CYP3A5: variants seen among roughly 807,000 people sequenced by gnomAD.
The protein encoded by CYP3A5 is cytochrome P450 3A5.
In CYP3A5, 51 loss-of-function variants were observed where a neutral mutation model predicts 55.9. The observed-to-expected ratio is 0.91, with a 90% CI of 0.73 to 1.15. The LOEUF is 1.15. CYP3A5 is among the 50% of genes most tolerant of loss of function. The probability of loss-of-function intolerance (pLI) is 0.00; values close to 1 mark genes in which losing one functional copy is unlikely to be tolerated. For missense variants in CYP3A5, 533 were observed against 596.6 expected (o/e 0.89, Z 1.11); for synonymous variants, 196 against 213.9 (o/e 0.92, Z 0.73).
chr7:99,673,317 C>G (rs1337759459), intron 3 of CYP3A5, among the ~76,000 whole-genome samples: 1 of 152,172 alleles, frequency 6.6e-6, no homozygotes, highest in Non-Finnish European at 1.5e-5. Flanking sequence ...AGTGAACAAA[C>G]ACACCACTGC....
chr7:99,679,766 G>C (rs1027616898), intron 1 of CYP3A5, 60 bp downstream of exon 1: 1 of 1,518,424 alleles, frequency 6.6e-7, no homozygotes, highest in African/African-American at 1.4e-5. Context: ...AAGGGAAAAG[G>C]GGCCCGATTA....
Position 99,659,404 on chromosome 7 carries a change from G to A in CYP3A5, c.1026+1095C>T, listed in dbSNP as rs558401114. 35 of 155,206 alleles carry A rather than the reference G, an allele frequency of 2.3e-4. No homozygotes were observed. In the South Asian group the frequency reaches 6.0e-3, roughly 27 times the overall value. 9.6% of individuals were successfully genotyped at this position (155,206 alleles called of 1,614,324 possible). Reference sequence around the variant, plus strand: ...TGCAGAACAGCGGTATTGGTGACCCGCAAATGCTGCTGCCTGATCATTCCT... The same window carrying A: ...TGCAGAACAGCGGTATTGGTGACCCACAAATGCTGCTGCCTGATCATTCCT... On this transcript the variant is annotated intron_variant, in intron 10 of 12. Coordinates refer to ENST00000222982, the MANE Select transcript of CYP3A5 (RefSeq NM_000777.5).
At chr7:99,658,916 A>G (rs1810076641) in intron 10 of CYP3A5, 1 of 152,170 alleles carries the variant, frequency 6.6e-6, no homozygotes, top group Admixed American at 6.5e-5. Flanking sequence ...TTCTCGTGCC[A>G]TGGTCTTCAG....
At chr7:99,655,723 G>C (rs1311636333) in intron 10 of CYP3A5, among the ~76,000 whole-genome samples, 6 of 152,072 alleles carry the variant, frequency 3.9e-5, no homozygotes, top group Non-Finnish European at 8.8e-5. Flanking sequence ...ATGGAATGTT[G>C]TTCCATTTGT....
At chr7:99,648,665 T>G (rs1808862119) in intron 12 of CYP3A5, among the ~76,000 whole-genome samples, 7 of 126,894 alleles carry the variant, frequency 5.5e-5, no homozygotes, top group Admixed American at 5.3e-4. Flanking sequence ...TGGACTCGTG[T>G]TTTTTTTTTT....
chr7:99,665,198 A>C lies in CYP3A5; in HGVS notation c.638T>G (p.Phe213Cys). ...FVESTKKFLK[F>C]GFLDPLFLSI... ...GAGAAATAATGGATCTAAGAAACCA[A>C]ATTTTAGGAACTTCTTAGTGCTCTC... The change falls in exon 7 of 13, where the codon TTT becomes TGT. Residue 213 changes from phenylalanine to cysteine, a missense_variant. By Grantham distance (205) the Phe-to-Cys change is radical (BLOSUM62 -2). Coordinates refer to ENST00000222982, the MANE Select transcript of CYP3A5 (RefSeq NM_000777.5). 6.2e-7 allele frequency: 1 copy of C among 1,613,948 alleles called. No individual in the cohort carries two copies. The highest frequency in any genetic ancestry group is 8.5e-7 in the Non-Finnish European group (1 of 1,179,856).
At chr7:99,657,076 G>A (rs1223161066) in intron 10 of CYP3A5, among the ~76,000 whole-genome samples, 2 of 151,844 alleles carry the variant, frequency 1.3e-5, no homozygotes, top group East Asian at 1.9e-4. Context: ...TTGTGTCTCT[G>A]TTTCCTTCAG....
intron 4 of CYP3A5, chr7:99,671,525 G>A (rs1015757269): frequency 3.2e-5 from 10 of 312,258 alleles, no homozygotes; most frequent in Non-Finnish European, 5.3e-5. Context: ...GGAACATTTG[G>A]ACAGCCATAG....
At position 99,662,291 on chromosome 7, in the gene CYP3A5, G is replaced by A. The variant is rs79246500; in HGVS notation, c.865+525C>T. Among the ~76,000 whole-genome samples, 324 of 152,280 alleles carry A rather than the reference G, an allele frequency of 2.1e-3. No homozygotes were observed. The highest frequency in any genetic ancestry group is 6.7e-3 in the African/African-American group (277 of 41,554). On this transcript the variant is annotated intron_variant, in intron 9 of 12. Transcript: ENST00000222982. This position sits in a 1 kb window ranked among gnomAD's most constrained non-coding sequence, Gnocchi z 4.3. ...TGGTTTTGGTTAAAACCATCCATGG[G>A]TCATAAAACTAGTAGATACAAGACT...
chr7:99,678,997 C>T (rs532327286), intron 1 of CYP3A5, among the ~76,000 whole-genome samples: 15 of 152,300 alleles, frequency 9.8e-5, no homozygotes, highest in East Asian at 3.9e-4. Flanking sequence ...TATGTAAAAT[C>T]CAAATTGGCT....
chr7:99,663,794 A>C, intron 8 of CYP3A5, 174 bp downstream of exon 8: 1 of 1,316,684 alleles, frequency 7.6e-7, no homozygotes, highest in South Asian at 2.1e-5. Context: ...TCTCTGACTC[A>C]TTCTCATCTC....
chr7:99,676,536 G>A (rs761212441), intron 1 of CYP3A5: 1 of 1,364,620 alleles, frequency 7.3e-7, no homozygotes, highest in Non-Finnish European at 9.7e-7. Flanking sequence ...CCTTATGTCT[G>A]TTTAGTAAGT....
chr7:99,679,872 C>T lies in CYP3A5; in HGVS notation c.25G>A (p.Val9Met). The change falls in exon 1 of 13, where the codon GTG becomes ATG. Residue 9 changes from valine to methionine, a missense_variant. Coordinates refer to ENST00000222982, the MANE Select transcript of CYP3A5 (RefSeq NM_000777.5). Reference sequence around the variant, plus strand: ...ACAGCCAGGAGAAGCCAGGTTTCCACCGCCAAATTTGGGATGAGGTCCATC... The same window carrying T: ...ACAGCCAGGAGAAGCCAGGTTTCCATCGCCAAATTTGGGATGAGGTCCATC... MDLIPNLA[V>M]ETWLLLAVSL... is the part of the protein sequence containing the mutation. 1.2e-6 allele frequency: 2 copies of T among 1,614,098 alleles called. No individual in the cohort carries two copies. The highest frequency in any genetic ancestry group is 1.7e-6 in the Non-Finnish European group (2 of 1,179,986).
chr7:99,661,960 C>T (rs1420371762), intron 9 of CYP3A5, among the ~76,000 whole-genome samples: 2 of 152,164 alleles, frequency 1.3e-5, no homozygotes, highest in African/African-American at 4.8e-5. Flanking sequence ...ACTCAATAGC[C>T]ATATGTGTCT....
At chr7:99,651,585 G>A (rs1341346976) in intron 11 of CYP3A5, among the ~76,000 whole-genome samples, 1 of 152,162 alleles carries the variant, frequency 6.6e-6, no homozygotes, top group Non-Finnish European at 1.5e-5. Context: ...GCTAGCACTA[G>A]GGACACCATG....
At chr7:99,676,643 C>G in intron 1 of CYP3A5, 1 of 924,124 alleles carries the variant, frequency 1.1e-6, no homozygotes, top group Admixed American at 1.9e-5. Flanking sequence ...TCACTGTATG[C>G]ACTCAATCAC....
intron 2 of CYP3A5, among the ~76,000 whole-genome samples, chr7:99,675,559 T>A (rs1032545529): frequency 6.8e-6 from 1 of 147,304 alleles, no homozygotes; most frequent in African/African-American, 2.5e-5. Context: ...CCTCCAGGGG[T>A]AAACCTGGCC....
intron 11 of CYP3A5, among the ~76,000 whole-genome samples, chr7:99,650,732 G>A (rs551115546): frequency 4.7e-5 from 7 of 150,072 alleles, no homozygotes; most frequent in Admixed American, 6.7e-5. Context: ...TACCTTCCCC[G>A]TCCACCTTCT....
chr7:99,676,329 A>T, intron 1 of CYP3A5, 121 bp from the exon 2 acceptor site: 3 of 1,560,812 alleles, frequency 1.9e-6, no homozygotes, highest in Non-Finnish European at 1.7e-6. Context: ...GATAAATAAT[A>T]ACAGCAACTC....
Sources: allele counts gnomAD v4.1 joint callset (sites outside exome capture counted in the v4.1 genomes callset), GRCh38; gene constraint gnomAD v4.1.1; non-coding constraint Gnocchi (gnomAD v3.1); transcripts MANE v1.5; gene names NCBI Gene and HGNC (gene_info 2026-07-23, HGNC 2026-07-21).